LRRC8D: variants seen among roughly 807,000 people sequenced by gnomAD.
The protein encoded by LRRC8D is volume-regulated anion channel subunit LRRC8D.
In LRRC8D, 20 loss-of-function variants were observed where a neutral mutation model predicts 55.8. The observed-to-expected ratio is 0.36, with a 90% CI of 0.25 to 0.52. LRRC8D has a LOEUF of 0.52. Among genes scored for constraint, LRRC8D ranks in the 20% least tolerant of loss-of-function variants. LRRC8D has a pLI of 0.93. For synonymous variants in LRRC8D, 352 were observed against 377.0 expected (o/e 0.93, Z 0.77); for missense variants, 651 against 1,030.8 (o/e 0.63, Z 5.05).
chr1:89,928,673 A>G (rs1367636879), intron 2 of LRRC8D, among the ~76,000 whole-genome samples: 1 of 152,138 alleles, frequency 6.6e-6, no homozygotes, highest in African/African-American at 2.4e-5. Flanking sequence ...CTCTGTTGCT[A>G]TGCCCACTGC....
intron 1 of LRRC8D, among the ~76,000 whole-genome samples, chr1:89,835,331 A>AG (rs1351997780): frequency 6.6e-6 from 1 of 152,140 alleles, no homozygotes; most frequent in Non-Finnish European, 1.5e-5. Context: ...AAACCATGGG[A>AG]GGGGGCCAGT....
intron 2 of LRRC8D, among the ~76,000 whole-genome samples, chr1:89,856,064 T>C (rs969462145): frequency 2.6e-5 from 4 of 152,048 alleles, no homozygotes; most frequent in Middle Eastern, 3.2e-3. Context: ...GACTATCTAG[T>C]GTGTCTGAAA....
chr1:89,927,848 G>A (rs887806762), intron 2 of LRRC8D, among the ~76,000 whole-genome samples: 4 of 152,184 alleles, frequency 2.6e-5, no homozygotes, highest in African/African-American at 2.4e-5. Flanking sequence ...ATAAAACTGG[G>A]AAGTTGTATC....
intron 2 of LRRC8D, 33 bp downstream of exon 2, chr1:89,843,815 G>A: frequency 1.6e-6 from 1 of 633,490 alleles, no homozygotes; most frequent in East Asian, 2.9e-5. Flanking sequence ...CCAGGGAGCG[G>A]GTCGGGAAGT....
intron 2 of LRRC8D, among the ~76,000 whole-genome samples, chr1:89,895,042 T>G (rs1162418916): frequency 6.7e-6 from 1 of 150,014 alleles, no homozygotes; most frequent in Non-Finnish European, 1.5e-5. Flanking sequence ...AGCAGGCTGA[T>G]GTCTCAGTGC....
chr1:89,887,863 G>A (rs1476022606), intron 2 of LRRC8D, among the ~76,000 whole-genome samples: 1 of 152,168 alleles, frequency 6.6e-6, no homozygotes, highest in African/African-American at 2.4e-5. Context: ...CAGTTATTTA[G>A]TTTGTTGGCT....
chr1:89,846,014 C>T (rs1296018361), intron 2 of LRRC8D, among the ~76,000 whole-genome samples: 2 of 152,118 alleles, frequency 1.3e-5, no homozygotes, highest in African/African-American at 2.4e-5. Flanking sequence ...CTCCTCACCC[C>T]ATGATCCACC....
At chr1:89,923,358 A>G (rs1187951658) in intron 2 of LRRC8D, among the ~76,000 whole-genome samples, 2 of 152,224 alleles carry the variant, frequency 1.3e-5, no homozygotes, top group African/African-American at 4.8e-5. Context: ...TCCCTTGATA[A>G]CCATTTATAG....
At chr1:89,904,556 C>T (rs1662944548) in intron 2 of LRRC8D, among the ~76,000 whole-genome samples, 1 of 152,222 alleles carries the variant, frequency 6.6e-6, no homozygotes, top group Admixed American at 6.5e-5. Flanking sequence ...CTTCTGTCTG[C>T]TCCAGGTTAT....
intron 2 of LRRC8D, among the ~76,000 whole-genome samples, chr1:89,856,912 A>G (rs1661569888): frequency 6.6e-6 from 1 of 152,220 alleles, no homozygotes; most frequent in African/African-American, 2.4e-5. Flanking sequence ...AACATTTCAT[A>G]TAATTCCATT....
intron 2 of LRRC8D, among the ~76,000 whole-genome samples, chr1:89,860,454 C>T (rs993845252): frequency 3.9e-5 from 6 of 151,920 alleles, no homozygotes; most frequent in South Asian, 2.1e-4. Flanking sequence ...TACTCTTACA[C>T]GTCCAATTTT....
At chr1:89,843,307 A>C in intron 1 of LRRC8D, 9 of 193,996 alleles carry the variant, frequency 4.6e-5, no homozygotes, top group Non-Finnish European at 7.4e-5. Context: ...CGGCGGAGGA[A>C]GCGTGGAGTC....
At chr1:89,932,639 G>A (rs2101000023) in intron 2 of LRRC8D, among the ~76,000 whole-genome samples, 1 of 152,298 alleles carries the variant, frequency 6.6e-6, no homozygotes, top group East Asian at 1.9e-4. Flanking sequence ...TGGAACATAA[G>A]ACTATCCAAA....
intron 2 of LRRC8D, among the ~76,000 whole-genome samples, chr1:89,852,906 T>A (rs1661456776): frequency 1.3e-5 from 2 of 152,218 alleles, no homozygotes; most frequent in South Asian, 4.1e-4. Flanking sequence ...GCTTGGGTTC[T>A]TGGTCAAACC....
intron 2 of LRRC8D, among the ~76,000 whole-genome samples, chr1:89,897,502 T>C (rs908381757): frequency 2.0e-5 from 3 of 152,214 alleles, no homozygotes; most frequent in African/African-American, 7.2e-5. Flanking sequence ...GATTTTGAAT[T>C]GGTAAATATT....
intron 2 of LRRC8D, among the ~76,000 whole-genome samples, chr1:89,856,018 A>G (rs964572017): frequency 6.0e-5 from 9 of 151,096 alleles, no homozygotes; most frequent in Non-Finnish European, 1.0e-4. Context: ...TTCAGAATGT[A>G]CCTTTGGCAT....
intron 2 of LRRC8D, among the ~76,000 whole-genome samples, chr1:89,879,329 G>T (rs982274803): frequency 2.0e-5 from 3 of 152,196 alleles, no homozygotes; most frequent in Admixed American, 2.0e-4. Context: ...AATATAAATT[G>T]CAGAGCTAGA....
At chr1:89,854,347 A>G (rs1661497526) in intron 2 of LRRC8D, among the ~76,000 whole-genome samples, 1 of 151,176 alleles carries the variant, frequency 6.6e-6, no homozygotes, top group South Asian at 2.1e-4. Flanking sequence ...GCCCAGTTGT[A>G]GTTTTGTCAG....
chr1:89,907,698 G>C (rs1663031421), intron 2 of LRRC8D, among the ~76,000 whole-genome samples: 1 of 152,096 alleles, frequency 6.6e-6, no homozygotes, highest in Non-Finnish European at 1.5e-5. Context: ...CCCAAAATTA[G>C]TCATTTCCTA....
Sources: allele counts gnomAD v4.1 joint callset (sites outside exome capture counted in the v4.1 genomes callset), GRCh38; gene constraint gnomAD v4.1.1; transcripts MANE v1.5; gene names NCBI Gene and HGNC (gene_info 2026-07-23, HGNC 2026-07-21).